CNTNAP2: variants seen among roughly 807,000 people sequenced by gnomAD.
CNTNAP2 encodes contactin-associated protein-like 2.
A neutral mutation model predicts 155.2 loss-of-function variants in CNTNAP2; 98 were observed. The ratio of observed to expected loss-of-function variants is 0.63; its 90% confidence interval spans 0.54 to 0.75. The LOEUF (loss-of-function observed/expected upper bound fraction) is 0.75. Among genes scored for constraint, CNTNAP2 ranks in the 30% least tolerant of loss-of-function variants. CNTNAP2 has a pLI of 0.00. For missense variants in CNTNAP2, 1,727 were observed against 1,688.1 expected (o/e 1.02, Z -0.40); for synonymous variants, 651 against 631.2 (o/e 1.03, Z -0.47).
rs569774275 is a variant in CNTNAP2 at position 147,960,889 on chromosome 7, TCC to T, written c.2256-16971_2256-16970del. On this transcript the variant is annotated intron_variant, in intron 14 of 23. Transcript: ENST00000361727. ...CCTAGAAATAAGTCTTTTTCTTCTT[TCC>T]CAGAAATCATGGTGATAAGTAGAAG... Among the ~76,000 whole-genome samples, 901 of 152,208 alleles carry T rather than the reference TCC, an allele frequency of 5.9e-3. 5 individuals are homozygous for T. The highest frequency in any genetic ancestry group is 0.021 in the African/African-American group (854 of 41,540).
At chr7:147,739,216 T>C (rs1379261562) in intron 13 of CNTNAP2, among the ~76,000 whole-genome samples, 1 of 151,166 alleles carries the variant, frequency 6.6e-6, no homozygotes, top group Non-Finnish European at 1.5e-5. Flanking sequence ...GATAGTGAAA[T>C]AAGAAACTGT....
At chr7:148,011,397 T>C (rs530134060) in intron 15 of CNTNAP2, among the ~76,000 whole-genome samples, 2 of 152,300 alleles carry the variant, frequency 1.3e-5, no homozygotes, top group Non-Finnish European at 2.9e-5. Context: ...TAGAGAGTAT[T>C]TTATTATTTT....
chr7:146,942,518 T>C (rs1170581349), intron 3 of CNTNAP2, among the ~76,000 whole-genome samples: 1 of 152,138 alleles, frequency 6.6e-6, no homozygotes, highest in Non-Finnish European at 1.5e-5. Context: ...TAACTGTTAT[T>C]ACAAGCTATA....
intron 12 of CNTNAP2, among the ~76,000 whole-genome samples, chr7:147,606,534 C>T (rs1407430608): frequency 6.6e-6 from 1 of 152,152 alleles, no homozygotes; most frequent in Non-Finnish European, 1.5e-5. Context: ...ACCTTTACAT[C>T]TTTTATTCTT....
chr7:147,242,844 C>T (rs1782474454), intron 8 of CNTNAP2, among the ~76,000 whole-genome samples: 2 of 151,996 alleles, frequency 1.3e-5, no homozygotes, highest in South Asian at 4.1e-4. Context: ...TTACCATTAA[C>T]TTTTTAAAAT....
chr7:146,198,906 C>CCAT (rs1258891425), intron 1 of CNTNAP2, among the ~76,000 whole-genome samples: 8 of 152,058 alleles, frequency 5.3e-5, no homozygotes, highest in Admixed American at 1.3e-4. Context: ...AGATCCAGAA[C>CCAT]CATCTATTCT....
chr7:148,415,307 GT>G, intron 23 of CNTNAP2, 109 bp from the exon 24 acceptor site: 2 of 1,132,786 alleles, frequency 1.8e-6, no homozygotes, highest in Non-Finnish European at 2.6e-6. Context: ...TGGAGGTTGT[GT>G]TTTATATGGG....
At chr7:147,051,202 AT>A (rs11327165) in intron 4 of CNTNAP2, among the ~76,000 whole-genome samples, 32,758 of 147,688 alleles carry the variant, frequency 0.22, 4,615 homozygotes, top group African/African-American at 0.39. Flanking sequence ...ATATATATAT[AT>A]AAATCATTAA....
chr7:146,835,458 T>C (rs1803598967), intron 2 of CNTNAP2, among the ~76,000 whole-genome samples: 1 of 152,158 alleles, frequency 6.6e-6, no homozygotes, highest in African/African-American at 2.4e-5. Context: ...GAAAATATAT[T>C]TGTTACCCCA....
chr7:147,703,734 T>C (rs1246950200), intron 13 of CNTNAP2, among the ~76,000 whole-genome samples: 1 of 152,218 alleles, frequency 6.6e-6, no homozygotes, highest in South Asian at 2.1e-4. Context: ...CTCTTCTTGC[T>C]GTTTTGAAAT....
chr7:146,260,926 C>A (rs1799910164), intron 1 of CNTNAP2, among the ~76,000 whole-genome samples: 1 of 152,102 alleles, frequency 6.6e-6, no homozygotes. Context: ...GTGTTCCCAC[C>A]CAAATCTCAT....
At chr7:146,835,433 A>G (rs1026287648) in intron 2 of CNTNAP2, among the ~76,000 whole-genome samples, 1 of 152,162 alleles carries the variant, frequency 6.6e-6, no homozygotes, top group East Asian at 1.9e-4. Flanking sequence ...TTCGAACTGT[A>G]TATCTAACAG....
chr7:146,244,912 G>T lies in CNTNAP2; in HGVS notation c.97+127939G>T, dbSNP rs1404913798. 2.7e-5 allele frequency among the ~76,000 whole-genome samples: 4 copies of T among 150,936 alleles called. 1 individual carries two copies. The South Asian group carries it at 8.5e-4, about 32-fold the overall frequency. On this transcript the variant is annotated intron_variant, in intron 1 of 23. Coordinates refer to ENST00000361727, the MANE Select transcript of CNTNAP2 (RefSeq NM_014141.6). ...TAAAGCTAATTTGCCAGTCCTGGGT[G>T]GGGGCAAATCCTCGAGCTTGATGTG...
At chr7:147,354,909 G>A (rs1043184881) in intron 9 of CNTNAP2, among the ~76,000 whole-genome samples, 6 of 152,030 alleles carry the variant, frequency 3.9e-5, no homozygotes, top group Admixed American at 3.9e-4. Context: ...TTGTGAATGG[G>A]AGTTTGCTCA....
intron 12 of CNTNAP2, among the ~76,000 whole-genome samples, chr7:147,624,456 A>G (rs1329381098): frequency 6.6e-6 from 1 of 152,188 alleles, no homozygotes; most frequent in Non-Finnish European, 1.5e-5. Flanking sequence ...AAAGACTTAA[A>G]TAGACATTTC....
intron 21 of CNTNAP2, among the ~76,000 whole-genome samples, chr7:148,310,040 A>G (rs1265903446): frequency 2.0e-5 from 3 of 152,184 alleles, no homozygotes; most frequent in African/African-American, 4.8e-5. Flanking sequence ...GGTTGTTAGA[A>G]GAAACATTTG....
intron 1 of CNTNAP2, among the ~76,000 whole-genome samples, chr7:146,308,649 T>TA (rs1399675604): frequency 4.6e-5 from 7 of 152,210 alleles, no homozygotes; most frequent in Middle Eastern, 3.4e-3. Flanking sequence ...TATTCAGCTG[T>TA]AAAAAATGAT....
At chr7:146,242,761 C>T (rs1799584041) in intron 1 of CNTNAP2, among the ~76,000 whole-genome samples, 1 of 152,078 alleles carries the variant, frequency 6.6e-6, no homozygotes, top group Non-Finnish European at 1.5e-5. Flanking sequence ...AATATTATTT[C>T]ATAAAAAATT....
chr7:147,123,920 T>C (rs760982068), intron 6 of CNTNAP2, among the ~76,000 whole-genome samples: 2 of 152,130 alleles, frequency 1.3e-5, no homozygotes, highest in Non-Finnish European at 2.9e-5. Context: ...CAGGCATCTG[T>C]AATCCCAGCT....
Sources: gnomAD v4.1 joint callset for allele counts (sites outside exome capture counted in the v4.1 genomes callset) on GRCh38, gnomAD v4.1.1 for gene constraint, MANE v1.5 for transcripts, NCBI Gene and HGNC (gene_info 2026-07-23, HGNC 2026-07-21) for gene names.